Variants in NAB2 observed in about 807,000 individuals in gnomAD.
NAB2 encodes NGFI-A binding protein 2, also known as NGFI-A-binding protein 2.
In NAB2, 9 loss-of-function variants were observed where a neutral mutation model predicts 44.2. That is an observed-to-expected ratio of 0.20 (90% CI 0.12 to 0.36). NAB2 has a LOEUF of 0.36. Ranked by LOEUF, NAB2 falls within the 10% of genes least tolerant of loss-of-function variation. The probability of loss-of-function intolerance (pLI) is 1.00; values close to 1 mark genes in which losing one functional copy is unlikely to be tolerated. For synonymous variants in NAB2, 342 were observed against 291.0 expected (o/e 1.18, Z -1.78); for missense variants, 514 against 709.0 (o/e 0.73, Z 3.12).
chr12:57,092,070 TAC>T (rs987075304), intron 2 of NAB2, 72 bp downstream of exon 2: 8 of 1,532,754 alleles, frequency 5.2e-6, no homozygotes, highest in East Asian at 2.3e-5. Context: ...TGCGAGTTTC[TAC>T]AGTCTCCGAC....
Position 57,091,988 on chromosome 12 carries a change from G to C in NAB2, c.947G>C (p.Ser316Thr), listed in dbSNP as rs770856125. The change falls in exon 2 of 7, where the codon AGC becomes ACC. Residue 316 changes from serine to threonine, a missense_variant. Physicochemically the swap from Ser to Thr is moderately conservative, Grantham distance 58. Coordinates refer to ENST00000300131, the MANE Select transcript of NAB2 (RefSeq NM_005967.4). This position sits in a 1 kb window ranked among gnomAD's most constrained non-coding sequence, Gnocchi z 7.3. ...AAGCGGCGGGAGGGCAAGCAGCTCA[G>C]CCTGCACGAGGTGAGAACCCCCAGG... ...DSKRREGKQLSLHELTINEAA... is the reference protein window; with the variant it reads ...DSKRREGKQLTLHELTINEAA... 1 of 1,606,640 alleles carries C rather than the reference G, an allele frequency of 6.2e-7. No individual in the cohort carries two copies. The highest frequency in any genetic ancestry group is 2.2e-5 in the East Asian group (1 of 44,772).
At position 57,089,132 on chromosome 12, in the gene NAB2, T is replaced by C. The variant is rs2033111771; in HGVS notation, c.-140T>C. ...GAGGCACAGACAGAGGCGCGGAGGCTCGGAGAGAGAAGACGTGGAGGGAGG... is the reference window on the plus strand; with the variant it reads ...GAGGCACAGACAGAGGCGCGGAGGCCCGGAGAGAGAAGACGTGGAGGGAGG... On this transcript the variant is annotated 5_prime_UTR_variant, in exon 1 of 7. Transcript: ENST00000300131. The C allele has an allele frequency of 1.1e-6, 1 of 885,236 alleles. No individual in the cohort carries two copies. Among genetic ancestry groups the C allele is most frequent in the African/African-American group, 1.7e-5 (1 of 58,314 alleles). 54.8% of individuals were successfully genotyped at this position (885,236 alleles called of 1,614,324 possible). A position where few individuals can be genotyped will look rare whatever the true frequency, so the allele number is the denominator to read the frequency against.
rs376864836 is a variant in NAB2, at chr12:57,091,911, G to A, written c.870G>A (p.Gln290=). Residue 290 remains glutamine, a synonymous_variant, in exon 2 of 7, where the codon CAG becomes CAA. Coordinates refer to ENST00000300131, the MANE Select transcript of NAB2 (RefSeq NM_005967.4). This position sits in a 1 kb window ranked among gnomAD's most constrained non-coding sequence, Gnocchi z 7.3. ...TTGAGATGGATGATAATGACAGCCA[G>A]AAGGAAGAGGAGATCCGCAAATACA... is the stretch of plus-strand genomic sequence containing the variant. ...HIFEMDDNDS[Q]KEEEIRKYSI... is the part of the protein sequence containing the mutation. 1.1e-5 allele frequency: 18 copies of A among 1,614,060 alleles called. No homozygotes were observed. The African/African-American group carries it at 2.0e-4, about 18-fold the overall frequency.
chr12:57,091,246 G>A lies in NAB2; in HGVS notation c.205G>A (p.Val69Met). 6.2e-7 allele frequency: 1 copy of A among 1,602,534 alleles called. No individual in the cohort carries two copies. The highest frequency in any genetic ancestry group is 8.5e-7 in the Non-Finnish European group (1 of 1,171,266). ...CTTCATCCAGCAGGGAGGGGACGAC[G>A]TGCAGCAGCTGTGTGAGGCGGGTGA... ...ETFIQQGGDD[V>M]QQLCEAGEEE... Residue 69 changes from valine to methionine, a missense_variant, in exon 2 of 7, where the codon GTG becomes ATG. Val to Met is a conservative substitution (Grantham distance 21). Coordinates refer to ENST00000300131, the MANE Select transcript of NAB2 (RefSeq NM_005967.4). This position sits in a 1 kb window ranked among gnomAD's most constrained non-coding sequence, Gnocchi z 7.3.
chr12:57,093,041 T>C (rs2033226909), intron 4 of NAB2, 22 bp from the exon 5 acceptor site: 1 of 1,613,902 alleles, frequency 6.2e-7, no homozygotes, highest in Non-Finnish European at 8.5e-7. Flanking sequence ...GGTCTTCATT[T>C]CCCCATGTTG....
rs562486677 is a variant in NAB2 at position 57,095,008 on chromosome 12, A to G, written c.*287A>G. On this transcript the variant is annotated 3_prime_UTR_variant, in exon 7 of 7. Coordinates refer to ENST00000300131, the MANE Select transcript of NAB2 (RefSeq NM_005967.4). ...GGGGTTTTCCCCTCCCTCACACAACACACTCCCATTCTCTTTAGGTTTGCA... is the reference window on the plus strand; with the variant it reads ...GGGGTTTTCCCCTCCCTCACACAACGCACTCCCATTCTCTTTAGGTTTGCA... 12 of 432,394 alleles carry G rather than the reference A, an allele frequency of 2.8e-5. No homozygotes were observed. The East Asian group carries it at 5.2e-4, about 19-fold the overall frequency. The allele number at this position is 432,394 out of a possible 1,614,324, so 26.8% of individuals were successfully genotyped here. A position where few individuals can be genotyped will look rare whatever the true frequency, so the allele number is the denominator to read the frequency against.
chr12:57,089,203 A>G lies in NAB2; in HGVS notation c.-69A>G. The G allele has an allele frequency of 6.8e-7, 1 of 1,468,566 alleles. No individual in the cohort carries two copies. The highest frequency in any genetic ancestry group is 9.3e-7 in the Non-Finnish European group (1 of 1,077,202). 91.0% of individuals were successfully genotyped at this position (1,468,566 alleles called of 1,614,324 possible). A position where few individuals can be genotyped will look rare whatever the true frequency, so the allele number is the denominator to read the frequency against. On this transcript the variant is annotated 5_prime_UTR_variant, in exon 1 of 7. Transcript: ENST00000300131. Reference sequence around the variant, plus strand: ...GGACACGGCATCGTGCGCGGGGAAGAGGGCAGCACGCAGCAGGCGCCGAGC... The same window carrying G: ...GGACACGGCATCGTGCGCGGGGAAGGGGGCAGCACGCAGCAGGCGCCGAGC...
At chr12:57,089,620 C>G (rs947489564) in intron 1 of NAB2, among the ~76,000 whole-genome samples, 2 of 151,944 alleles carry the variant, frequency 1.3e-5, no homozygotes, top group Admixed American at 6.6e-5. Context: ...GAGCCCCCTG[C>G]AAAGAATGTG....
Position 57,089,256 on chromosome 12 carries a change from T to C in NAB2, c.-16T>C. ...CGGGCACCGAGAAGGGCAGCCCGGG[T>C]GATCTCCGGCCGTCCATGCACAGAG... On this transcript the variant is annotated 5_prime_UTR_variant, in exon 1 of 7. Transcript: ENST00000300131. The C allele has an allele frequency of 6.4e-7, 1 of 1,559,630 alleles. No individual in the cohort carries two copies. Among genetic ancestry groups the C allele is most frequent in the Middle Eastern group, 1.7e-4 (1 of 5,744 alleles).
At position 57,091,818 on chromosome 12, in the gene NAB2, G is replaced by A. The variant is rs1248467606; in HGVS notation, c.777G>A (p.Gly259=). 6.2e-7 allele frequency: 1 copy of A among 1,614,202 alleles called. No homozygotes were observed. Among genetic ancestry groups the A allele is most frequent in the South Asian group, 1.1e-5 (1 of 91,086 alleles). Residue 259 remains glycine, a synonymous_variant, in exon 2 of 7, where the codon GGG becomes GGA. Transcript: ENST00000300131. The surrounding 1 kb of genome is among the most constrained non-coding windows in gnomAD (Gnocchi z 7.3). ...VERIFRSFPR[G]DAGEVTSLLK... ...GGATCTTCCGGAGCTTCCCAAGGGG[G>A]GATGCTGGGGAGGTCACATCCCTGC...
At chr12:57,092,698 C>CCAAG (rs2033217198) in intron 3 of NAB2, 117 bp downstream of exon 3, 1 of 1,426,132 alleles carries the variant, frequency 7.0e-7, no homozygotes, top group South Asian at 1.3e-5. Flanking sequence ...GGATGTCCTG[C>CCAAG]TTTTGGCCAA....
intron 2 of NAB2, 199 bp downstream of exon 2, chr12:57,092,197 G>A: frequency 9.3e-7 from 1 of 1,073,676 alleles, no homozygotes; most frequent in Non-Finnish European, 1.3e-6. Flanking sequence ...AGAGATACAG[G>A]CAGCACCGAG....
rs2033178457 is a variant in NAB2, at chr12:57,091,224, C to T, written c.183C>T (p.Phe61=). The T allele has an allele frequency of 1.3e-6, 2 of 1,591,144 alleles. No homozygotes were observed. Among genetic ancestry groups the T allele is most frequent in the Non-Finnish European group, 1.7e-6 (2 of 1,164,966 alleles). Residue 61 remains phenylalanine (F), a synonymous_variant, in exon 2 of 7, where the codon TTC becomes TTT. Coordinates refer to ENST00000300131, the MANE Select transcript of NAB2 (RefSeq NM_005967.4). The surrounding 1 kb of genome is among the most constrained non-coding windows in gnomAD (Gnocchi z 7.3). ...ACCTCCTTTCCTACTATGAGACCTT[C>T]ATCCAGCAGGGAGGGGACGACGTGC... ...RANLLSYYET[F]IQQGGDDVQQ...
intron 1 of NAB2, 71 bp downstream of exon 1, chr12:57,089,425 G>C: frequency 1.4e-6 from 2 of 1,411,942 alleles, no homozygotes; most frequent in Non-Finnish European, 1.9e-6. Context: ...GGTCCAGAGG[G>C]CGGAGGTCGA....
chr12:57,089,388 G>C (rs756958530), intron 1 of NAB2, 34 bp downstream of exon 1: 168 of 1,490,420 alleles, frequency 1.1e-4, no homozygotes, highest in Non-Finnish European at 1.5e-4. Context: ...GGGGAGTGGA[G>C]ATGGGTGGAG....
Position 57,092,925 on chromosome 12 carries a change from C to T in NAB2, c.1100C>T (p.Pro367Leu). 6.2e-7 allele frequency: 1 copy of T among 1,614,202 alleles called. No homozygotes were observed. Among genetic ancestry groups the T allele is most frequent in the Non-Finnish European group, 8.5e-7 (1 of 1,180,036 alleles). ...LSSLKGSRLH[P>L]EELGGPPLKK... ...CTTACCCATCTTTTCAGGCTTCACC[C>T]TGAAGAACTGGGAGGCCCTCCACTG... The change falls in exon 4 of 7, where the codon CCT (proline) becomes CTT (leucine). Residue 367 changes from proline (P) to leucine (L), a missense_variant. Physicochemically the swap from Pro to Leu is moderately conservative, Grantham distance 98. This residue lies in a region of NAB2 where 194 missense variants were observed against 223.9 expected (regional missense o/e 0.87). Transcript: ENST00000300131.
chr12:57,094,001 T>C (rs1335002146), intron 6 of NAB2, among the ~76,000 whole-genome samples: 1 of 151,364 alleles, frequency 6.6e-6, no homozygotes, highest in Non-Finnish European at 1.5e-5. Flanking sequence ...AGTGATGCTT[T>C]GTGTGTGGAA....
Position 57,089,357 on chromosome 12 carries a change from T to C in NAB2, c.83+3T>C. ...CGGACCCTGCAGCCCAGACTCAAGT[T>C]AGTGGGCAAAGGGAGGCAGCGGGGA... is the stretch of plus-strand genomic sequence containing the variant. On this transcript the variant is annotated splice_donor_region_variant and intron_variant, in intron 1 of 6. Transcript: ENST00000300131. The C allele has an allele frequency of 6.4e-7, 1 of 1,564,984 alleles. No individual in the cohort carries two copies.
intron 1 of NAB2, 87 bp downstream of exon 1, chr12:57,089,441 G>A (rs2033125632): frequency 8.5e-7 from 1 of 1,180,438 alleles, no homozygotes; most frequent in Admixed American, 2.6e-5. Context: ...GTCGAGGGGA[G>A]GACGTGGGGA....
Sources: allele counts gnomAD v4.1 joint callset (sites outside exome capture counted in the v4.1 genomes callset), GRCh38; gene constraint gnomAD v4.1.1; regional missense constraint gnomAD v4.1.1; non-coding constraint Gnocchi (gnomAD v3.1); transcripts MANE v1.5; gene names NCBI Gene and HGNC (gene_info 2026-07-23, HGNC 2026-07-21).